SLC5A12: variants seen among roughly 807,000 people sequenced by gnomAD.
The protein encoded by SLC5A12 is solute carrier family 5 member 12, also known as sodium-coupled monocarboxylate transporter 2.
SLC5A12 carries 46 observed loss-of-function variants against 72.7 expected under a neutral mutation model. That is an observed-to-expected ratio of 0.63 (90% CI 0.50 to 0.81). The LOEUF (loss-of-function observed/expected upper bound fraction) is 0.81, where lower values mean the gene tolerates loss of function less well. Ranked by LOEUF, SLC5A12 falls within the 30% of genes least tolerant of loss-of-function variation. The pLI is 0.00. For synonymous variants in SLC5A12, 275 were observed against 264.4 expected, an observed-to-expected ratio of 1.04 and a Z score of -0.39; for missense variants, 683 against 740.7, an observed-to-expected ratio of 0.92 and a Z score of 0.90.
chr11:26,686,454 G>A (rs1046999206), intron 10 of SLC5A12, 23 bp downstream of exon 10: 2 of 1,612,196 alleles, frequency 1.2e-6, no homozygotes, highest in African/African-American at 2.7e-5. Context: ...GAAACCAAAT[G>A]TGTCTTTTCC....
At chr11:26,683,130 G>C (rs1243326040) in intron 11 of SLC5A12, among the ~76,000 whole-genome samples, 2 of 152,142 alleles carry the variant, frequency 1.3e-5, no homozygotes, top group Non-Finnish European at 2.9e-5. Context: ...AATTTTGTTA[G>C]ACTGAGAAAA....
chr11:26,684,764 C>T (rs1333237330), intron 10 of SLC5A12, among the ~76,000 whole-genome samples: 1 of 152,058 alleles, frequency 6.6e-6, no homozygotes, highest in African/African-American at 2.4e-5. Context: ...GAGGAGCTCA[C>T]AATGGAAATA....
At chr11:26,722,466 T>C (rs1855501146), upstream of SLC5A12, among the ~76,000 whole-genome samples, 1 of 152,230 alleles carries the variant, frequency 6.6e-6, no homozygotes. Context: ...TCTCTTTGTC[T>C]TGATCTGTAA....
At chr11:26,711,766 A>G (rs1183998738) in intron 2 of SLC5A12, among the ~76,000 whole-genome samples, 1 of 152,116 alleles carries the variant, frequency 6.6e-6, no homozygotes, top group Non-Finnish European at 1.5e-5. Context: ...GTTTGCTGAA[A>G]TATGGAATTT....
intron 1 of SLC5A12, among the ~76,000 whole-genome samples, chr11:26,719,173 T>A (rs1196516997): frequency 6.6e-6 from 1 of 152,208 alleles, no homozygotes; most frequent in African/African-American, 2.4e-5. Context: ...AATTGTTCAA[T>A]AATTTTAAGA....
At position 26,669,175 on chromosome 11, in the gene SLC5A12, C is replaced by CTTCT. The variant is rs1392860980; in HGVS notation, c.*1926_*1927insAGAA. 8.1e-5 allele frequency: 11 copies of CTTCT among 136,214 alleles called. No homozygotes were observed. Among genetic ancestry groups the CTTCT allele is most frequent in the African/African-American group, 3.2e-4 (11 of 33,908 alleles). 8.4% of individuals were successfully genotyped at this position (136,214 alleles called of 1,614,324 possible). A position where few individuals can be genotyped will look rare whatever the true frequency, so the allele number is the denominator to read the frequency against. The stretch of plus-strand genomic sequence containing the variant: ...TCTTCCTCTTCCTGTCTTTTTCTTT[C>CTTCT]TTTCTTTCTTCTTTTCTTTCTTTCT... On this transcript the variant is annotated 3_prime_UTR_variant, in exon 15 of 15. Transcript: ENST00000396005.
rs756833861 is a variant in SLC5A12 at position 26,681,148 on chromosome 11, G to A, written c.1382C>T (p.Ala461Val). 1 of 1,611,740 alleles carries A rather than the reference G, an allele frequency of 6.2e-7. No individual in the cohort carries two copies. Among genetic ancestry groups the A allele is most frequent in the Admixed American group, 1.7e-5 (1 of 59,750 alleles). ...WVAIGAFIYP[A>V]PASKTWPLPL... ...CAAAGGCCATGTCTTAGAGGCTGGTGCAGGGTAAATGAAGGCCCCAATGGC... is the reference window on the plus strand; with the variant it reads ...CAAAGGCCATGTCTTAGAGGCTGGTACAGGGTAAATGAAGGCCCCAATGGC... The change falls in exon 12 of 15, where the codon GCA becomes GTA. Residue 461 changes from alanine to valine, a missense_variant. Ala to Val is a moderately conservative substitution (Grantham distance 64). Coordinates refer to ENST00000396005, the MANE Select transcript of SLC5A12 (RefSeq NM_178498.4).
rs79395281 is a variant in SLC5A12, at chr11:26,685,912, C to A, written c.1221+565G>T. ...TTTATGGAATTGGGAGTTGTGAGTT[C>A]GGCTTGGATGATAGGTGGAGGTGAG... On this transcript the variant is annotated intron_variant, in intron 10 of 14. Transcript: ENST00000396005. Among the ~76,000 whole-genome samples the A allele has an allele frequency of 2.0e-5, 3 of 152,064 alleles. No individual in the cohort carries two copies. The East Asian group carries it at 5.8e-4, about 29-fold the overall frequency.
intron 1 of SLC5A12, among the ~76,000 whole-genome samples, chr11:26,712,922 CAGAGA>C (rs1184059653): frequency 5.3e-5 from 8 of 152,092 alleles, no homozygotes; most frequent in African/African-American, 1.4e-4. Flanking sequence ...TCATGATGAT[CAGAGA>C]AGAGAAGTGG....
At position 26,702,273 on chromosome 11, in the gene SLC5A12, T is replaced by C. The variant is rs568629971; in HGVS notation, c.821+1258A>G. On this transcript the variant is annotated intron_variant, in intron 6 of 14. Transcript: ENST00000396005. ...GAATTGATGGAACGCCAGATAATGC[T>C]TTTATTTCCTTATTCTGAGAGCTAT... Among the ~76,000 whole-genome samples the C allele has an allele frequency of 3.9e-5, 6 of 152,346 alleles. 1 individual carries two copies. In the South Asian group the frequency reaches 1.2e-3, roughly 32 times the overall value.
In SLC5A12 at chr11:26,681,083, C is replaced by G; in HGVS notation, c.1447G>C (p.Ala483Pro). The G allele has an allele frequency of 6.2e-7, 1 of 1,608,988 alleles. No homozygotes were observed. The highest frequency in any genetic ancestry group is 1.1e-5 in the South Asian group (1 of 90,204). The change falls in exon 12 of 15, where the codon GCA (alanine) becomes CCA (proline). Residue 483 changes from alanine (A) to proline (P), a missense_variant. Transcript: ENST00000396005. Reference sequence around the variant, plus strand: ...CTGGATAGTACTGGAGGCCCTGTTGCTGTCACATTTGATTTGATACATTGG... The same window carrying G: ...CTGGATAGTACTGGAGGCCCTGTTGGTGTCACATTTGATTTGATACATTGG... ...TDQCIKSNVTATGPPVLSSRP... is the reference protein window; with the variant it reads ...TDQCIKSNVTPTGPPVLSSRP...
intron 14 of SLC5A12, 107 bp downstream of exon 14, chr11:26,673,295 C>T (rs4551716): frequency 0.48 from 590,461 of 1,233,078 alleles, 143,048 homozygotes; most frequent in South Asian, 0.5. Context: ...AGTTCTCACA[C>T]TCACTGCTTT....
chr11:26,686,459 T>A lies in SLC5A12; in HGVS notation c.1221+18A>T, dbSNP rs1429115223. The stretch of plus-strand genomic sequence containing the variant: ...AAGTTCCAGTGAAACCAAATGTGTC[T>A]TTTCCTTCTTTCGTTACCTGCACAA... On this transcript the variant is annotated intron_variant, in intron 10 of 14. Transcript: ENST00000396005. The A allele has an allele frequency of 6.2e-7, 1 of 1,613,084 alleles. No homozygotes were observed. The highest frequency in any genetic ancestry group is 8.5e-7 in the Non-Finnish European group (1 of 1,179,276).
At chr11:26,679,639 G>T (rs1465539297) in intron 12 of SLC5A12, among the ~76,000 whole-genome samples, 1 of 152,064 alleles carries the variant, frequency 6.6e-6, no homozygotes, top group Non-Finnish European at 1.5e-5. Flanking sequence ...CATGTAAAGG[G>T]AATAGCTTAA....
At position 26,669,187 on chromosome 11, in the gene SLC5A12, T is replaced by TTTCTCTTTCTTTCTTTCTTTCTTTCTTTC. The variant is rs1854073553; in HGVS notation, c.*1914_*1915insGAAAGAAAGAAAGAAAGAAAGAAAGAGAA. The TTTCTCTTTCTTTCTTTCTTTCTTTCTTTC allele has an allele frequency of 2.6e-3, 286 of 110,902 alleles. 10 individuals carry two copies. Among genetic ancestry groups the TTTCTCTTTCTTTCTTTCTTTCTTTCTTTC allele is most frequent in the South Asian group, 6.2e-3 (22 of 3,544 alleles). 6.9% of individuals were successfully genotyped at this position (110,902 alleles called of 1,614,324 possible). A position where few individuals can be genotyped will look rare whatever the true frequency, so the allele number is the denominator to read the frequency against. ...TGTCTTTTTCTTTCTTTCTTTCTTC[T>TTTCTCTTTCTTTCTTTCTTTCTTTCTTTC]TTTCTTTCTTTCTTTCTTTCTTTCT... On this transcript the variant is annotated 3_prime_UTR_variant, in exon 15 of 15. Transcript: ENST00000396005.
intron 10 of SLC5A12, among the ~76,000 whole-genome samples, chr11:26,686,189 G>A (rs1239807394): frequency 6.6e-6 from 1 of 152,124 alleles, no homozygotes; most frequent in Non-Finnish European, 1.5e-5. Flanking sequence ...GAATTTTTAA[G>A]AGTTTCTAAT....
rs1230828938 is a variant in SLC5A12, at chr11:26,683,844, C to T, written c.1222-1G>A. On this transcript the variant is annotated splice_acceptor_variant, in intron 10 of 14. Transcript: ENST00000396005. LOFTEE classifies it high-confidence loss of function. The stretch of plus-strand genomic sequence containing the variant: ...ACATGCCGTGAATGCTGAGGGAAGC[C>T]TGTGGAACAAAGGCAGACCAGATGA... 1 of 1,590,568 alleles carries T rather than the reference C, an allele frequency of 6.3e-7. No individual in the cohort carries two copies. Among genetic ancestry groups the T allele is most frequent in the African/African-American group, 1.3e-5 (1 of 74,638 alleles).
rs34284911 is a variant in SLC5A12, at chr11:26,697,892, C to CTTTTTTTT, written c.951+506_951+513dup. Among the ~76,000 whole-genome samples the CTTTTTTTT allele has an allele frequency of 7.4e-5, 7 of 93,968 alleles. 2 individuals carry two copies. The highest frequency in any genetic ancestry group is 7.6e-5 in the Non-Finnish European group (4 of 52,594). 61.6% of individuals were successfully genotyped at this position (93,968 alleles called of 152,430 possible). ...CTTTAAGAACAAGGTGAGATGCCGT[C>CTTTTTTTT]TTTTTTTTTTTTTTTTTTTTTTGAG... On this transcript the variant is annotated intron_variant, in intron 7 of 14. Transcript: ENST00000396005.
intron 8 of SLC5A12, among the ~76,000 whole-genome samples, chr11:26,696,204 A>G (rs1347214456): frequency 1.3e-5 from 2 of 152,184 alleles, no homozygotes; most frequent in Non-Finnish European, 2.9e-5. Context: ...AGCAAACTCT[A>G]TATAAGTGAG....
Sources: allele counts gnomAD v4.1 joint callset (sites outside exome capture counted in the v4.1 genomes callset), GRCh38; gene constraint gnomAD v4.1.1; transcripts MANE v1.5; gene names NCBI Gene and HGNC (gene_info 2026-07-23, HGNC 2026-07-21).